Variants in MAGEC3 observed in about 807,000 individuals in gnomAD.
The protein encoded by MAGEC3 is MAGE family member C3.
MAGEC3 carries 34 observed loss-of-function variants against 35.3 expected under a neutral mutation model. The observed-to-expected ratio is 0.96, with a 90% CI of 0.73 to 1.28. MAGEC3 has a LOEUF of 1.28. Ranked by LOEUF, MAGEC3 falls within the 50% of genes most tolerant of loss-of-function variation. The probability of loss-of-function intolerance (pLI) is 0.00; values close to 1 mark genes in which losing one functional copy is unlikely to be tolerated. For synonymous variants in MAGEC3, 202 were observed against 185.6 expected, an observed-to-expected ratio of 1.09 and a Z score of -0.72; for missense variants, 561 against 483.6, an observed-to-expected ratio of 1.16 and a Z score of -1.50.
intron 1 of MAGEC3, among the ~76,000 whole-genome samples, chrX:141,851,634 A>C (rs1162660397): frequency 9.0e-6 from 1 of 110,926 alleles, no homozygotes; most frequent in Non-Finnish European, 1.9e-5. Context: ...ACCTGTTAGC[A>C]ACCACTCTGC....
chrX:141,839,246 A>G (rs912403065), intron 1 of MAGEC3: 1 of 235,116 alleles, frequency 4.3e-6, no homozygotes, highest in African/African-American at 3.0e-5. Flanking sequence ...GATTCCAGTG[A>G]TTTCCTTTGA....
In MAGEC3 at chrX:141,897,033, G is replaced by T. The variant is rs1407240132; in HGVS notation, c.1275G>T (p.Trp425Cys). ...ACTCCTGCTCATCCCCTCTTTTGTGGACCCGATTGGATGAGGAGTCCAGCA... is the reference window on the plus strand; with the variant it reads ...ACTCCTGCTCATCCCCTCTTTTGTGTACCCGATTGGATGAGGAGTCCAGCA... ...PLDSCSSPLL[W>C]TRLDEESSSE... The change falls in exon 7 of 8, where the codon TGG (tryptophan) becomes TGT (cysteine). Residue 425 changes from tryptophan to cysteine, a missense_variant. By Grantham distance (215) the Trp-to-Cys change is radical. Coordinates refer to ENST00000298296, the MANE Select transcript of MAGEC3 (RefSeq NM_138702.1). The T allele has an allele frequency of 4.1e-6, 5 of 1,210,931 alleles. No homozygotes were observed. In the Admixed American group the frequency reaches 1.1e-4, roughly 26 times the overall value.
chrX:141,846,701 A>G (rs963140921), intron 1 of MAGEC3, among the ~76,000 whole-genome samples: 35 of 111,189 alleles, frequency 3.1e-4, no homozygotes, highest in Middle Eastern at 4.2e-3. Context: ...ACAACACAAT[A>G]TCTTCATTAC....
chrX:141,865,613 C>G lies in MAGEC3; in HGVS notation c.258+8C>G. On this transcript the variant is annotated splice_region_variant and intron_variant, in intron 2 of 7. Transcript: ENST00000298296. The stretch of plus-strand genomic sequence containing the variant: ...TGCCCCACATACTTCAAGGTAAGGA[C>G]TCTAAGGAAAGACTGAGGGGACCTC... 1 of 1,197,048 alleles carries G rather than the reference C, an allele frequency of 8.4e-7. No individual in the cohort carries two copies. The highest frequency in any genetic ancestry group is 1.1e-6 in the Non-Finnish European group (1 of 887,781).
At chrX:141,857,398 C>T (rs1160618742) in intron 1 of MAGEC3, among the ~76,000 whole-genome samples, 1 of 110,942 alleles carries the variant, frequency 9.0e-6, no homozygotes, top group Non-Finnish European at 1.9e-5. Flanking sequence ...CAGTTCTCCA[C>T]AAACCTCTAT....
intron 2 of MAGEC3, among the ~76,000 whole-genome samples, chrX:141,869,033 C>T (rs2017869999): frequency 1.8e-5 from 2 of 109,275 alleles, no homozygotes; most frequent in Non-Finnish European, 3.8e-5. Context: ...AGGTGCCCGC[C>T]ACCCCACCTG....
At chrX:141,879,577 G>A in intron 3 of MAGEC3, 146 bp downstream of exon 3, 1 of 722,633 alleles carries the variant, frequency 1.4e-6, no homozygotes, top group South Asian at 3.1e-5. Flanking sequence ...GGAAGGGGTG[G>A]AGAAGGGCCG....
At chrX:141,889,852 A>G (rs963675322) in intron 4 of MAGEC3, among the ~76,000 whole-genome samples, 2 of 112,820 alleles carry the variant, frequency 1.8e-5, no homozygotes, top group Non-Finnish European at 3.7e-5. Context: ...GTAGTCATCA[A>G]TACCAGCTAC....
intron 4 of MAGEC3, among the ~76,000 whole-genome samples, chrX:141,888,926 A>G (rs1194378491): frequency 8.9e-6 from 1 of 112,358 alleles, no homozygotes; most frequent in African/African-American, 3.2e-5. Flanking sequence ...ACTGGAACAG[A>G]CACTTATTCC....
intron 1 of MAGEC3, chrX:141,839,407 T>C: frequency 1.4e-6 from 1 of 725,963 alleles, no homozygotes; most frequent in South Asian, 7.1e-5. Flanking sequence ...ATAATGATTA[T>C]GGGCATAAGA....
At chrX:141,873,129 G>A (rs1261985083) in intron 2 of MAGEC3, among the ~76,000 whole-genome samples, 6 of 111,811 alleles carry the variant, frequency 5.4e-5, no homozygotes, top group Non-Finnish European at 1.1e-4. Flanking sequence ...TTAGGTGAGA[G>A]GCACTCTTTC....
intron 1 of MAGEC3, among the ~76,000 whole-genome samples, chrX:141,848,799 A>C (rs1157062591): frequency 6.3e-5 from 7 of 111,280 alleles, no homozygotes; most frequent in Non-Finnish European, 3.8e-5. Context: ...TATGGAATCC[A>C]AAAAGAGCCT....
At position 141,881,634 on chromosome X, in the gene MAGEC3, C is replaced by A. The variant is rs1473068575; in HGVS notation, c.747C>A (p.Phe249Leu). ...TGACAGAAGTGGACCCCGACCATTT[C>A]TATGTCTTTGTAAACACATTAGACC... ...ISLTEVDPDH[F>L]YVFVNTLDLT... Residue 249 changes from phenylalanine to leucine, a missense_variant, in exon 4 of 8, where the codon TTC becomes TTA. Transcript: ENST00000298296. 8.3e-7 allele frequency: 1 copy of A among 1,211,665 alleles called. No individual in the cohort carries two copies.
At chrX:141,863,018 A>G (rs1422523648) in intron 1 of MAGEC3, among the ~76,000 whole-genome samples, 2 of 111,935 alleles carry the variant, frequency 1.8e-5, no homozygotes, top group Non-Finnish European at 3.8e-5. Flanking sequence ...CTTGTTTATT[A>G]CACATTCTAT....
Position 141,863,161 on chromosome X carries a change from C to T in MAGEC3, c.124-2310C>T, listed in dbSNP as rs2017826068. Among the ~76,000 whole-genome samples, 4 of 111,651 alleles carry T rather than the reference C, an allele frequency of 3.6e-5. No individual in the cohort carries two copies. The South Asian group carries it at 1.5e-3, about 42-fold the overall frequency. On this transcript the variant is annotated intron_variant, in intron 1 of 7. Coordinates refer to ENST00000298296, the MANE Select transcript of MAGEC3 (RefSeq NM_138702.1). ...ATGGATATACGGAGTTTCACTACTACCTTATCTATTTTGTTTATTTTAAAA... is the reference window on the plus strand; with the variant it reads ...ATGGATATACGGAGTTTCACTACTATCTTATCTATTTTGTTTATTTTAAAA...
intron 2 of MAGEC3, 139 bp downstream of exon 2, chrX:141,865,744 G>A (rs1284084262): frequency 1.5e-6 from 1 of 653,918 alleles, no homozygotes; most frequent in Non-Finnish European, 2.2e-6. Flanking sequence ...TTCATTTTTG[G>A]GGCCTGAGGG....
intron 1 of MAGEC3, among the ~76,000 whole-genome samples, chrX:141,852,067 G>A (rs148651819): frequency 0.015 from 1,574 of 106,189 alleles, 21 homozygotes; most frequent in African/African-American, 0.05. Flanking sequence ...CCTCCAATCC[G>A]TGAACATAGA....
intron 1 of MAGEC3, among the ~76,000 whole-genome samples, chrX:141,854,193 G>A (rs1268025973): frequency 1.8e-5 from 2 of 111,088 alleles, no homozygotes; most frequent in Admixed American, 9.6e-5. Context: ...TATTATATAC[G>A]ATAGATATTT....
At chrX:141,849,162 A>G (rs919395526) in intron 1 of MAGEC3, among the ~76,000 whole-genome samples, 1 of 111,142 alleles carries the variant, frequency 9.0e-6, no homozygotes, top group Non-Finnish European at 1.9e-5. Flanking sequence ...GAGGCCAACG[A>G]AAACAAGCAG....
Sources: allele counts gnomAD v4.1 joint callset (sites outside exome capture counted in the v4.1 genomes callset), GRCh38; gene constraint gnomAD v4.1.1; transcripts MANE v1.5; gene names NCBI Gene and HGNC (gene_info 2026-07-23, HGNC 2026-07-21).